Variants in MAL2 observed in about 807,000 individuals in gnomAD.
MAL2 encodes the protein protein MAL2.
A neutral mutation model predicts 18.1 loss-of-function variants in MAL2; 17 were observed. That is an observed-to-expected ratio of 0.94 (90% CI 0.64 to 1.41). The LOEUF (loss-of-function observed/expected upper bound fraction) is 1.41, where lower values mean the gene tolerates loss of function less well. Ranked by LOEUF, MAL2 falls within the 40% of genes most tolerant of loss-of-function variation. MAL2 has a pLI of 0.00. For synonymous variants in MAL2, 102 were observed against 102.3 expected, an observed-to-expected ratio of 1.00 and a Z score of 0.02; for missense variants, 222 against 231.9, an observed-to-expected ratio of 0.96 and a Z score of 0.28.
intron 3 of MAL2, among the ~76,000 whole-genome samples, chr8:119,242,774 T>C (rs982338763): frequency 2.0e-5 from 3 of 152,238 alleles, no homozygotes; most frequent in Admixed American, 2.0e-4. Flanking sequence ...CTTTGTCTTT[T>C]AGTCTTCTAT....
intron 1 of MAL2, among the ~76,000 whole-genome samples, chr8:119,212,647 G>C (rs989382129): frequency 6.6e-6 from 1 of 152,188 alleles, no homozygotes; most frequent in African/African-American, 2.4e-5. Flanking sequence ...TTCTGGAGAG[G>C]TCAGAACAGG....
chr8:119,227,484 A>G (rs1409227328), intron 2 of MAL2, among the ~76,000 whole-genome samples: 1 of 152,194 alleles, frequency 6.6e-6, no homozygotes, highest in Non-Finnish European at 1.5e-5. Context: ...GTTGGGCACA[A>G]GTGGCCAAGC....
At chr8:119,214,466 A>C (rs1817315964) in intron 1 of MAL2, among the ~76,000 whole-genome samples, 1 of 152,224 alleles carries the variant, frequency 6.6e-6, no homozygotes, top group East Asian at 1.9e-4. Context: ...AAAAGAAAGG[A>C]AAGAGGCAGT....
In MAL2 at chr8:119,244,728, GA is replaced by G. The variant is rs1478978286; in HGVS notation, c.*1241del. 3 of 152,198 alleles carry G rather than the reference GA, an allele frequency of 2.0e-5. No homozygotes were observed. The highest frequency in any genetic ancestry group is 4.4e-5 in the Non-Finnish European group (3 of 68,028). 9.4% of individuals were successfully genotyped at this position (152,198 alleles called of 1,614,324 possible). On this transcript the variant is annotated 3_prime_UTR_variant, in exon 4 of 4. Coordinates refer to ENST00000614891, the MANE Select transcript of MAL2 (RefSeq NM_052886.3). ...ACATCTGTAATGTTTTTGCACTGGT[GA>G]CAGACAAAATCTGTTTTAAAATCAT...
chr8:119,224,591 C>T (rs1817543367), intron 2 of MAL2, among the ~76,000 whole-genome samples: 1 of 151,852 alleles, frequency 6.6e-6, no homozygotes, highest in Non-Finnish European at 1.5e-5. Flanking sequence ...TTTTTTATTA[C>T]ATGAATGAAT....
intron 2 of MAL2, among the ~76,000 whole-genome samples, chr8:119,238,981 G>A (rs956060469): frequency 1.3e-5 from 2 of 151,522 alleles, no homozygotes; most frequent in Non-Finnish European, 2.9e-5. Flanking sequence ...TCATCAGAGT[G>A]AACAGGCAAC....
intron 1 of MAL2, among the ~76,000 whole-genome samples, chr8:119,214,833 A>G (rs1229529497): frequency 6.6e-6 from 1 of 152,222 alleles, no homozygotes; most frequent in Non-Finnish European, 1.5e-5. Context: ...TAAGCCTCTT[A>G]TGTGTATGTC....
intron 2 of MAL2, among the ~76,000 whole-genome samples, chr8:119,229,769 C>T (rs1445891523): frequency 1.3e-5 from 2 of 152,198 alleles, no homozygotes; most frequent in Non-Finnish European, 2.9e-5. Context: ...AACCTTGCAA[C>T]CACATAGGAG....
At chr8:119,242,527 G>C (rs949607018) in intron 3 of MAL2, among the ~76,000 whole-genome samples, 2 of 152,024 alleles carry the variant, frequency 1.3e-5, no homozygotes, top group Non-Finnish European at 2.9e-5. Context: ...CAAATAATAG[G>C]TATCAAAAAA....
chr8:119,210,927 G>A (rs549247564), intron 1 of MAL2, among the ~76,000 whole-genome samples: 1 of 152,088 alleles, frequency 6.6e-6, no homozygotes, highest in Admixed American at 6.5e-5. Flanking sequence ...AATGAAACTG[G>A]TGACGTTAGA....
chr8:119,245,640 G>A lies in MAL2; in HGVS notation c.*2152G>A, dbSNP rs991139564. On this transcript the variant is annotated 3_prime_UTR_variant, in exon 4 of 4. Coordinates refer to ENST00000614891, the MANE Select transcript of MAL2 (RefSeq NM_052886.3). ...TGATGAAAAGAAATTTATTTTATAC[G>A]TGTTATGTCTCTAATAAAGTATTCA... is the stretch of plus-strand genomic sequence containing the variant. 5.3e-5 allele frequency: 8 copies of A among 152,200 alleles called. No homozygotes were observed. Among genetic ancestry groups the A allele is most frequent in the Non-Finnish European group, 1.0e-4 (7 of 68,026 alleles). The allele number at this position is 152,200 out of a possible 1,614,324, so 9.4% of individuals were successfully genotyped here.
At chr8:119,229,184 A>G (rs918623338) in intron 2 of MAL2, among the ~76,000 whole-genome samples, 1 of 152,190 alleles carries the variant, frequency 6.6e-6, no homozygotes, top group Non-Finnish European at 1.5e-5. Flanking sequence ...AGATCTCCAC[A>G]TAGTATGCCT....
At chr8:119,223,753 T>G (rs936320648) in intron 2 of MAL2, 4 of 152,226 alleles carry the variant, frequency 2.6e-5, no homozygotes, top group Admixed American at 6.5e-5. Context: ...ATGAAATGTT[T>G]TCCCTATTTC....
At chr8:119,227,594 G>A (rs1036636668) in intron 2 of MAL2, among the ~76,000 whole-genome samples, 1 of 152,180 alleles carries the variant, frequency 6.6e-6, no homozygotes, top group Non-Finnish European at 1.5e-5. Flanking sequence ...ATCCACTGAA[G>A]CTGGAGGCTG....
chr8:119,215,411 A>G (rs1022470862), intron 1 of MAL2: 5 of 152,112 alleles, frequency 3.3e-5, no homozygotes, highest in African/African-American at 1.2e-4. Context: ...ATTCATTTCA[A>G]GGAGGATGGA....
chr8:119,231,983 A>T (rs774476521), intron 2 of MAL2, among the ~76,000 whole-genome samples: 1 of 152,158 alleles, frequency 6.6e-6, no homozygotes, highest in South Asian at 2.1e-4. Flanking sequence ...AGTTCAAGAG[A>T]TCTATTGTAC....
chr8:119,208,440 G>A lies in MAL2; in HGVS notation c.-33G>A. On this transcript the variant is annotated 5_prime_UTR_variant, in exon 1 of 4. Transcript: ENST00000614891. This position sits in a 1 kb window ranked among gnomAD's most constrained non-coding sequence, Gnocchi z 4.3. ...GGAGGCGGAGGCGGGAGGCGGCGGC[G>A]GCGCGCGGAGACGCAGCAGCGGCAG... 1.7e-6 allele frequency: 2 copies of A among 1,152,452 alleles called. No individual in the cohort carries two copies. Among genetic ancestry groups the A allele is most frequent in the Non-Finnish European group, 2.1e-6 (2 of 934,474 alleles). 71.4% of individuals were successfully genotyped at this position (1,152,452 alleles called of 1,614,324 possible).
chr8:119,224,017 C>T (rs967187314), intron 2 of MAL2: 2 of 152,052 alleles, frequency 1.3e-5, no homozygotes, highest in Non-Finnish European at 1.5e-5. Flanking sequence ...AATAGTTTAC[C>T]ACTTTAGACC....
At chr8:119,237,778 G>A (rs970607558) in intron 2 of MAL2, among the ~76,000 whole-genome samples, 3 of 151,750 alleles carry the variant, frequency 2.0e-5, no homozygotes, top group African/African-American at 4.9e-5. Flanking sequence ...AGGTACTGAT[G>A]GGACGTATTT....
Sources: gnomAD v4.1 joint callset for allele counts (sites outside exome capture counted in the v4.1 genomes callset) on GRCh38, gnomAD v4.1.1 for gene constraint, Gnocchi (gnomAD v3.1) non-coding constraint, MANE v1.5 for transcripts, NCBI Gene and HGNC (gene_info 2026-07-23, HGNC 2026-07-21) for gene names.